RELCH: variants seen among roughly 807,000 people sequenced by gnomAD.
RELCH encodes RAB11-binding protein RELCH.
RELCH carries 41 observed loss-of-function variants against 150.3 expected under a neutral mutation model. The observed-to-expected ratio is 0.27, with a 90% CI of 0.21 to 0.35. The LOEUF (loss-of-function observed/expected upper bound fraction) is 0.35. Among genes scored for constraint, RELCH ranks in the 10% least tolerant of loss-of-function variants. RELCH has a pLI of 1.00. For missense variants in RELCH, 1,092 were observed against 1,467.8 expected (o/e 0.74, Z 4.18); for synonymous variants, 478 against 531.8 (o/e 0.90, Z 1.39).
At chr18:62,254,061 T>C (rs1203403059) in intron 12 of RELCH, among the ~76,000 whole-genome samples, 1 of 152,184 alleles carries the variant, frequency 6.6e-6, no homozygotes, top group Non-Finnish European at 1.5e-5. Flanking sequence ...TCTTTCAAGA[T>C]TATTTTGACG....
At chr18:62,189,853 A>G (rs2038490841) in intron 1 of RELCH, among the ~76,000 whole-genome samples, 1 of 152,232 alleles carries the variant, frequency 6.6e-6, no homozygotes, top group Admixed American at 6.5e-5. Flanking sequence ...CTAGAGTCTT[A>G]TGATCAAATA....
At chr18:62,290,007 C>T (rs572135363) in intron 26 of RELCH, among the ~76,000 whole-genome samples, 2 of 152,120 alleles carry the variant, frequency 1.3e-5, no homozygotes, top group African/African-American at 4.8e-5. Context: ...ACTACATAAT[C>T]ATTAGGTTGT....
intron 1 of RELCH, among the ~76,000 whole-genome samples, chr18:62,207,812 A>T (rs1371063271): frequency 6.6e-6 from 1 of 152,204 alleles, no homozygotes; most frequent in Admixed American, 6.5e-5. Flanking sequence ...TGTACCTATT[A>T]CCAGTCACTA....
chr18:62,192,459 G>T (rs2038715624), intron 1 of RELCH, among the ~76,000 whole-genome samples: 1 of 152,096 alleles, frequency 6.6e-6, no homozygotes, highest in Admixed American at 6.5e-5. Context: ...TGAAATATTT[G>T]CCCGTGCCTA....
rs752419852 is a variant in RELCH at position 62,309,149 on chromosome 18, A to C, written c.*3615A>C. ...CTACTCTGGAGTCTGAGGCAGGAGA[A>C]TCACTTGAACCCAGGGAGTGGAGGT... On this transcript the variant is annotated 3_prime_UTR_variant, in exon 29 of 29. Coordinates refer to ENST00000644646, the MANE Select transcript of RELCH (RefSeq NM_001346231.2). 14 of 151,876 alleles carry C rather than the reference A, an allele frequency of 9.2e-5. No homozygotes were observed. The highest frequency in any genetic ancestry group is 1.9e-4 in the Non-Finnish European group (13 of 68,032). 9.4% of individuals were successfully genotyped at this position (151,876 alleles called of 1,614,324 possible).
chr18:62,194,074 C>T (rs1450791647), intron 1 of RELCH, among the ~76,000 whole-genome samples: 9 of 151,990 alleles, frequency 5.9e-5, no homozygotes, highest in Admixed American at 3.9e-4. Context: ...GACAAAACTC[C>T]GTCACTACAA....
chr18:62,297,811 G>A (rs1482966172), intron 27 of RELCH, among the ~76,000 whole-genome samples: 1 of 152,054 alleles, frequency 6.6e-6, no homozygotes, highest in Non-Finnish European at 1.5e-5. Context: ...CACAGCCTTT[G>A]AGCAGCCTCT....
At chr18:62,290,543 T>A (rs1227505035) in intron 26 of RELCH, among the ~76,000 whole-genome samples, 1 of 152,088 alleles carries the variant, frequency 6.6e-6, no homozygotes, top group African/African-American at 2.4e-5. Flanking sequence ...AAAAAAAATA[T>A]CTTTATAAGG....
chr18:62,188,454 A>C (rs1388205330), intron 1 of RELCH, among the ~76,000 whole-genome samples: 1 of 152,212 alleles, frequency 6.6e-6, no homozygotes, highest in Non-Finnish European at 1.5e-5. Context: ...CCAGGAGAGA[A>C]AGAATAGGAC....
chr18:62,254,532 A>G (rs2042896073), intron 12 of RELCH, among the ~76,000 whole-genome samples: 2 of 152,138 alleles, frequency 1.3e-5, no homozygotes, highest in South Asian at 2.1e-4. Flanking sequence ...TGAGGTAACT[A>G]CATCTGGATT....
At chr18:62,269,749 C>G (rs920586039) in intron 20 of RELCH, among the ~76,000 whole-genome samples, 1 of 151,962 alleles carries the variant, frequency 6.6e-6, no homozygotes, top group Non-Finnish European at 1.5e-5. Flanking sequence ...ATCAATACAG[C>G]GAAAAAATAA....
At chr18:62,215,701 G>A (rs1028276750) in intron 2 of RELCH, among the ~76,000 whole-genome samples, 29 of 152,062 alleles carry the variant, frequency 1.9e-4, no homozygotes, top group African/African-American at 6.8e-4. Context: ...TTATACCAAG[G>A]TTGAGAAATT....
At chr18:62,240,957 G>A (rs1231882198) in intron 10 of RELCH, among the ~76,000 whole-genome samples, 1 of 152,078 alleles carries the variant, frequency 6.6e-6, no homozygotes, top group African/African-American at 2.4e-5. Flanking sequence ...TGGATAAGCT[G>A]TAAGTCTGCC....
chr18:62,259,022 A>G (rs2043128566), intron 15 of RELCH, among the ~76,000 whole-genome samples: 1 of 152,026 alleles, frequency 6.6e-6, no homozygotes, highest in Non-Finnish European at 1.5e-5. Flanking sequence ...TGCAGAGAAA[A>G]TGAGTCTCTA....
At chr18:62,266,994 T>A (rs1410129399) in intron 19 of RELCH, among the ~76,000 whole-genome samples, 2 of 151,924 alleles carry the variant, frequency 1.3e-5, no homozygotes, top group Non-Finnish European at 1.5e-5. Flanking sequence ...CAAATTGATA[T>A]AAGGCTGAGC....
chr18:62,221,766 G>A (rs537249343), intron 5 of RELCH, among the ~76,000 whole-genome samples: 2 of 150,932 alleles, frequency 1.3e-5, no homozygotes, highest in Non-Finnish European at 3.0e-5. Flanking sequence ...ACTCATTTTT[G>A]CATATATTCA....
chr18:62,280,770 T>C, intron 24 of RELCH, 61 bp downstream of exon 24: 4 of 1,136,668 alleles, frequency 3.5e-6, no homozygotes, highest in Non-Finnish European at 5.3e-6. Context: ...GATACATGTA[T>C]CTGGTGGTAG....
At chr18:62,295,427 CT>C (rs201474286) in intron 27 of RELCH, among the ~76,000 whole-genome samples, 9 of 147,442 alleles carry the variant, frequency 6.1e-5, no homozygotes, top group African/African-American at 1.5e-4. Context: ...TTCCCTACTG[CT>C]TTTTTTTTCT....
At chr18:62,242,353 A>G (rs2042190489) in intron 10 of RELCH, among the ~76,000 whole-genome samples, 1 of 152,218 alleles carries the variant, frequency 6.6e-6, no homozygotes, top group Admixed American at 6.5e-5. Flanking sequence ...GGACTCACAA[A>G]TACTTTCCTT....
Sources: gnomAD v4.1 joint callset for allele counts (sites outside exome capture counted in the v4.1 genomes callset) on GRCh38, gnomAD v4.1.1 for gene constraint, MANE v1.5 for transcripts, NCBI Gene and HGNC (gene_info 2026-07-23, HGNC 2026-07-21) for gene names.